Variants in OCA2 observed in about 807,000 individuals in gnomAD.
OCA2 encodes P protein.
OCA2 carries 77 observed loss-of-function variants against 100.2 expected under a neutral mutation model. The observed-to-expected ratio is 0.77, with a 90% CI of 0.64 to 0.93. OCA2 has a LOEUF of 0.93. Among genes scored for constraint, OCA2 ranks in the 40% least tolerant of loss-of-function variants. The probability of loss-of-function intolerance (pLI) is 0.00; values close to 1 mark genes in which losing one functional copy is unlikely to be tolerated. For missense variants in OCA2, 1,062 were observed against 1,089.1 expected (o/e 0.98, Z 0.35); for synonymous variants, 432 against 439.2 (o/e 0.98, Z 0.21).
chr15:27,992,799 T>G (rs920386977), intron 9 of OCA2, among the ~76,000 whole-genome samples: 18 of 152,154 alleles, frequency 1.2e-4, no homozygotes, highest in Non-Finnish European at 2.9e-5. Context: ...GGGCTAACTT[T>G]GTCTGGACGG....
intron 14 of OCA2, 41 bp from the exon 15 acceptor site, chr15:27,966,863 T>C (rs1438997792): frequency 1.3e-6 from 2 of 1,581,604 alleles, no homozygotes; most frequent in Admixed American, 1.8e-5. Flanking sequence ...AGCCCAGGCA[T>C]GGTGGCTCAC....
At chr15:27,834,318 G>A (rs1021104148) in intron 23 of OCA2, among the ~76,000 whole-genome samples, 1 of 152,216 alleles carries the variant, frequency 6.6e-6, no homozygotes, top group Non-Finnish European at 1.5e-5. Flanking sequence ...TGGTGCATCT[G>A]CACTCCATGG....
At position 28,009,684 on chromosome 15, in the gene OCA2, TCACACACACACA is replaced by T. The variant is rs747425942; in HGVS notation, c.1044+5080_1044+5091del. On this transcript the variant is annotated intron_variant, in intron 9 of 23. Coordinates refer to ENST00000354638, the MANE Select transcript of OCA2 (RefSeq NM_000275.3). ...GCCTGGGCAACAGAGCGAGATTCTGTCACACACACACACACACACACACACACACACACACAC... is the reference window on the plus strand; with the variant it reads ...GCCTGGGCAACAGAGCGAGATTCTGTCACACACACACACACACACACACAC... 1.7e-3 allele frequency among the ~76,000 whole-genome samples: 236 copies of T among 138,106 alleles called. 2 individuals carry two copies. Among genetic ancestry groups the T allele is most frequent in the Middle Eastern group, 7.2e-3 (2 of 276 alleles). The allele number at this position is 138,106 out of a possible 152,430, so 90.6% of individuals were successfully genotyped here.
At chr15:27,795,091 G>A (rs2033270424) in intron 23 of OCA2, among the ~76,000 whole-genome samples, 1 of 152,118 alleles carries the variant, frequency 6.6e-6, no homozygotes, top group Non-Finnish European at 1.5e-5. Context: ...TTCCAGGAGT[G>A]ATTGTACCCT....
chr15:27,955,234 G>C lies in OCA2; in HGVS notation c.1785-19C>G, dbSNP rs1278922259. ...GATCTGTCTAAAAGAGAAAAGAAGA[G>C]ACTCATTACTTCCCTGGTCACGCTG... On this transcript the variant is annotated intron_variant, in intron 16 of 23. Transcript: ENST00000354638. The C allele has an allele frequency of 1.3e-6, 2 of 1,580,942 alleles. No individual in the cohort carries two copies. The highest frequency in any genetic ancestry group is 3.3e-5 in the Admixed American group (2 of 59,980).
chr15:27,799,739 C>T (rs75858589), intron 23 of OCA2, among the ~76,000 whole-genome samples: 7 of 110,854 alleles, frequency 6.3e-5, no homozygotes, highest in African/African-American at 1.3e-4. Context: ...AGCAAGACTC[C>T]GTCTAAAAAA....
intron 18 of OCA2, among the ~76,000 whole-genome samples, chr15:27,934,948 C>A (rs1259717082): frequency 6.6e-6 from 1 of 152,176 alleles, no homozygotes; most frequent in Non-Finnish European, 1.5e-5. Flanking sequence ...AGCTCGTCTG[C>A]TTGGTATTGC....
intron 6 of OCA2, among the ~76,000 whole-genome samples, chr15:28,018,873 G>A (rs2042494176): frequency 6.6e-6 from 1 of 152,178 alleles, no homozygotes; most frequent in Non-Finnish European, 1.5e-5. Flanking sequence ...GGCCTCGCCA[G>A]GGCCCCTCCC....
At chr15:28,027,806 G>A in intron 4 of OCA2, 65 bp downstream of exon 4, 1 of 1,513,114 alleles carries the variant, frequency 6.6e-7, no homozygotes, top group South Asian at 1.1e-5. Context: ...AAAGATGGAG[G>A]GGCCATGTAG....
At chr15:27,817,259 A>G (rs7172907) in intron 23 of OCA2, among the ~76,000 whole-genome samples, 76,159 of 151,992 alleles carry the variant, frequency 0.5, 19,732 homozygotes, top group South Asian at 0.76. Context: ...GAAGAAAAGC[A>G]ACAATAAACC....
At chr15:27,956,420 G>A (rs1431816135) in intron 16 of OCA2, among the ~76,000 whole-genome samples, 1 of 152,156 alleles carries the variant, frequency 6.6e-6, no homozygotes, top group Non-Finnish European at 1.5e-5. Context: ...CTCAGCAACT[G>A]TGTGGCCTTG....
In OCA2 at chr15:27,851,419, C is replaced by T. The variant is rs566250675; in HGVS notation, c.2301G>A (p.Pro767=). Residue 767 remains proline (P), a synonymous_variant, in exon 22 of 24, where the codon CCG becomes CCA. Transcript: ENST00000354638. ...HDPEVGLPAP[P]LMYALAFGAC... is the part of the protein sequence containing the mutation. ...CACCGAAGGCCAGGGCATACATGAG[C>T]GGCGGTGCGGGCAGGCCAACCTCAG... 1.5e-5 allele frequency: 25 copies of T among 1,613,964 alleles called. No individual in the cohort carries two copies. Among genetic ancestry groups the T allele is most frequent in the African/African-American group, 4.0e-5 (3 of 75,058 alleles).
intron 11 of OCA2, among the ~76,000 whole-genome samples, chr15:27,988,974 A>G (rs1171082636): frequency 6.6e-6 from 1 of 152,192 alleles, no homozygotes; most frequent in East Asian, 1.9e-4. Context: ...TACACAGAGC[A>G]AGTCTTCTAG....
chr15:27,740,409 C>G, the OCA2 span, among the ~76,000 whole-genome samples: 1 of 152,092 alleles, frequency 6.6e-6, no homozygotes, highest in East Asian at 1.9e-4. Context: ...GCAGCCCTGA[C>G]CATCGCCCCT....
chr15:27,864,434 T>A (rs188865673), intron 21 of OCA2, among the ~76,000 whole-genome samples: 1 of 152,334 alleles, frequency 6.6e-6, no homozygotes, highest in Non-Finnish European at 1.5e-5. Flanking sequence ...TTAAGTTTTT[T>A]AAAAAATTGT....
the OCA2 span, among the ~76,000 whole-genome samples, chr15:27,720,485 G>T: frequency 6.7e-6 from 1 of 149,904 alleles, no homozygotes; most frequent in South Asian, 2.1e-4. Context: ...ATATGTTTAT[G>T]TATAGATTCA....
At chr15:27,897,151 C>CT (rs1482155160) in intron 19 of OCA2, among the ~76,000 whole-genome samples, 1 of 149,998 alleles carries the variant, frequency 6.7e-6, no homozygotes, top group African/African-American at 2.5e-5. Context: ...GACGGTGCCA[C>CT]TACACCCTAG....
At chr15:27,791,766 G>A (rs1228403594) in intron 23 of OCA2, among the ~76,000 whole-genome samples, 1 of 152,168 alleles carries the variant, frequency 6.6e-6, no homozygotes, top group Non-Finnish European at 1.5e-5. Flanking sequence ...AGGGACTCTT[G>A]AGCAACGTAC....
chr15:27,720,963 A>G, the OCA2 span, among the ~76,000 whole-genome samples: 1,759 of 152,260 alleles, frequency 0.012, 25 homozygotes, highest in African/African-American at 0.041. Flanking sequence ...GCGTGAGTTC[A>G]TGAACATGAT....
Sources: gnomAD v4.1 joint callset for allele counts (sites outside exome capture counted in the v4.1 genomes callset) on GRCh38, gnomAD v4.1.1 for gene constraint, MANE v1.5 for transcripts, NCBI Gene and HGNC (gene_info 2026-07-23, HGNC 2026-07-21) for gene names.